CREB3L2: variants seen among roughly 807,000 people sequenced by gnomAD.
The protein encoded by CREB3L2 is cAMP responsive element binding protein 3 like 2.
A neutral mutation model predicts 57.2 loss-of-function variants in CREB3L2; 23 were observed. The ratio of observed to expected loss-of-function variants is 0.40; its 90% confidence interval spans 0.29 to 0.57. The LOEUF (loss-of-function observed/expected upper bound fraction) is 0.57, where lower values mean the gene tolerates loss of function less well. CREB3L2 is among the 20% of genes least tolerant of loss of function. The pLI is 0.42. For synonymous variants in CREB3L2, 268 were observed against 265.1 expected, an observed-to-expected ratio of 1.01 and a Z score of -0.11; for missense variants, 628 against 634.7, an observed-to-expected ratio of 0.99 and a Z score of 0.11.
intron 1 of CREB3L2, among the ~76,000 whole-genome samples, chr7:137,946,836 ATAGT>A (rs1444731637): frequency 1.3e-5 from 1 of 79,658 alleles, no homozygotes; most frequent in Non-Finnish European, 2.3e-5. Flanking sequence ...TTATCTATAT[ATAGT>A]TATCTATATA....
At position 138,002,075 on chromosome 7, in the gene CREB3L2, C is replaced by A. The variant is rs141156737; in HGVS notation, c.-370G>T. ...ACACAAACTTTGAGGGACCCCAGGG[C>A]TCCTCGGCTCTGCTCCAGGACCCAG... On this transcript the variant is annotated 5_prime_UTR_variant, in exon 1 of 12. Transcript: ENST00000330387. The A allele has an allele frequency of 6.9e-3, 1,902 of 274,122 alleles. 23 individuals are homozygous for A. The highest frequency in any genetic ancestry group is 0.029 in the African/African-American group (1,340 of 46,554). The allele number at this position is 274,122 out of a possible 1,614,324, so 17.0% of individuals were successfully genotyped here. A position where few individuals can be genotyped will look rare whatever the true frequency, so the allele number is the denominator to read the frequency against.
intron 1 of CREB3L2, among the ~76,000 whole-genome samples, chr7:137,997,986 T>C (rs1448772000): frequency 1.3e-5 from 2 of 152,190 alleles, no homozygotes; most frequent in Non-Finnish European, 2.9e-5. Context: ...ACAGCTTTCC[T>C]AAAATCAGTA....
At chr7:137,945,891 C>T (rs370445067) in intron 1 of CREB3L2, among the ~76,000 whole-genome samples, 6 of 152,140 alleles carry the variant, frequency 3.9e-5, no homozygotes, top group African/African-American at 7.2e-5. Context: ...CACCTTGAGC[C>T]GCTACAATTA....
At chr7:137,934,770 T>C (rs956424445) in intron 1 of CREB3L2, among the ~76,000 whole-genome samples, 38 of 152,258 alleles carry the variant, frequency 2.5e-4, no homozygotes, top group African/African-American at 8.7e-4. Flanking sequence ...TCGGCCTTAA[T>C]GCATGTTTCT....
intron 8 of CREB3L2, among the ~76,000 whole-genome samples, chr7:137,885,778 G>A (rs1276307989): frequency 6.6e-6 from 1 of 152,212 alleles, no homozygotes; most frequent in Non-Finnish European, 1.5e-5. Context: ...CCCCTGACAG[G>A]CTGTGGCTTG....
rs1420684432 is a variant in CREB3L2, at chr7:137,885,405, T to A, written c.1141A>T (p.Met381Leu). 2 of 1,613,408 alleles carry A rather than the reference T, an allele frequency of 1.2e-6. No individual in the cohort carries two copies. Among genetic ancestry groups the A allele is most frequent in the Admixed American group, 3.3e-5 (2 of 59,980 alleles). The change falls in exon 9 of 12, where the codon ATG (methionine) becomes TTG (leucine). Residue 381 changes from methionine (M) to leucine (L), a missense_variant and splice_region_variant. By Grantham distance (15) the Met-to-Leu change is conservative (BLOSUM62 2). Around this residue, in one of 3 missense-constraint regions of CREB3L2, gnomAD observed 272 missense variants for 242.7 expected, o/e 1.12. Transcript: ENST00000330387. ...TGCTACCCTGCTGGGAAGCTCACCA[T>A]GAGGCAGGTGCCAGTCTGCGTGCCA... ...LAGTQTGTCL[M>L]VVVLCFAVAF... is the part of the protein sequence containing the mutation.
At chr7:137,967,969 G>A (rs1801435850) in intron 1 of CREB3L2, among the ~76,000 whole-genome samples, 1 of 152,202 alleles carries the variant, frequency 6.6e-6, no homozygotes, top group Non-Finnish European at 1.5e-5. Context: ...ACACAATGCT[G>A]CAAGGTAGGT....
intron 1 of CREB3L2, chr7:137,956,668 A>T: frequency 7.9e-7 from 1 of 1,272,928 alleles, no homozygotes; most frequent in Non-Finnish European, 1.0e-6. Context: ...GAAACAGCAC[A>T]ATTTAACAAT....
rs896813824 is a variant in CREB3L2 at position 137,903,966 on chromosome 7, C to G, written c.967G>C (p.Glu323Gln). Residue 323 changes from glutamate to glutamine, a missense_variant, in exon 7 of 12, where the codon GAG becomes CAG. This residue lies in a region of CREB3L2 where 272 missense variants were observed against 242.7 expected (regional missense o/e 1.12). Transcript: ENST00000330387. ...GTTTGCCAGCAGGCTTACTTTTTCT[C>G]CAGGCTGTCCATGTATTCTTTCTTC... ...RKKKEYMDSL[E>Q]KKVESCSTEN... 9 of 1,613,572 alleles carry G rather than the reference C, an allele frequency of 5.6e-6. No individual in the cohort carries two copies. The African/African-American group carries it at 1.2e-4, about 22-fold the overall frequency.
intron 8 of CREB3L2, among the ~76,000 whole-genome samples, chr7:137,887,894 T>C (rs1799457340): frequency 6.6e-6 from 1 of 152,174 alleles, no homozygotes; most frequent in Non-Finnish European, 1.5e-5. Context: ...TATATAGAAG[T>C]ATGATTGAAT....
Position 137,882,409 on chromosome 7 carries a change from C to T in CREB3L2, c.1487+3G>A. 1.2e-6 allele frequency: 2 copies of T among 1,610,064 alleles called. No individual in the cohort carries two copies. Among genetic ancestry groups the T allele is most frequent in the Non-Finnish European group, 1.7e-6 (2 of 1,177,140 alleles). ...GAGTTGGCTCTGTGTCTCTATGACTCACAGGTGCTGCTGCAGCTCCAAAAG... is the reference window on the plus strand; with the variant it reads ...GAGTTGGCTCTGTGTCTCTATGACTTACAGGTGCTGCTGCAGCTCCAAAAG... On this transcript the variant is annotated splice_donor_region_variant and intron_variant, in intron 11 of 11. Transcript: ENST00000330387.
chr7:137,968,315 G>C (rs891061303), intron 1 of CREB3L2, among the ~76,000 whole-genome samples: 3 of 151,680 alleles, frequency 2.0e-5, no homozygotes, highest in Non-Finnish European at 2.9e-5. Context: ...CACCCATTAA[G>C]TTGTCATTTA....
intron 8 of CREB3L2, among the ~76,000 whole-genome samples, chr7:137,891,512 A>G (rs1450079350): frequency 3.3e-5 from 5 of 152,128 alleles, no homozygotes; most frequent in Non-Finnish European, 1.5e-5. Context: ...GGAAAAAAAA[A>G]AGTGGTGGTT....
At chr7:137,951,647 A>G (rs1310827949) in intron 1 of CREB3L2, among the ~76,000 whole-genome samples, 1 of 152,228 alleles carries the variant, frequency 6.6e-6, no homozygotes, top group Non-Finnish European at 1.5e-5. Flanking sequence ...AGGGCAATGT[A>G]TTAACTATCT....
At position 137,905,782 on chromosome 7, in the gene CREB3L2, A is replaced by G. The variant is rs1799874426; in HGVS notation, c.835T>C (p.Tyr279His). The change falls in exon 6 of 12, where the codon TAT becomes CAT. Residue 279 changes from tyrosine to histidine, a missense_variant. By Grantham distance (83) the Tyr-to-His change is moderately conservative. Transcript: ENST00000330387. ...AGGGGCAATTTGGTGGGGATGGGAT[A>G]GCCCTCAGCGATCAGGGTCCTCTTC... Reference protein sequence around the residue: ...EEKRTLIAEGYPIPTKLPLSK... With the variant: ...EEKRTLIAEGHPIPTKLPLSK... 1.9e-6 allele frequency: 3 copies of G among 1,614,096 alleles called. No homozygotes were observed. Among genetic ancestry groups the G allele is most frequent in the East Asian group, 4.5e-5 (2 of 44,878 alleles).
At chr7:137,886,511 G>C (rs1799423821) in intron 8 of CREB3L2, among the ~76,000 whole-genome samples, 1 of 152,176 alleles carries the variant, frequency 6.6e-6, no homozygotes, top group Admixed American at 6.5e-5. Flanking sequence ...GAACGGCTCT[G>C]TTTAAGGCAG....
intron 1 of CREB3L2, among the ~76,000 whole-genome samples, chr7:137,988,702 T>C (rs933954240): frequency 1.3e-5 from 2 of 152,098 alleles, no homozygotes; most frequent in African/African-American, 4.8e-5. Flanking sequence ...GAACTGCAAA[T>C]GACACAGTCA....
chr7:137,876,454 C>T lies in CREB3L2; in HGVS notation c.*4022G>A, dbSNP rs948547499. ...TAATGTTTCCTCAATCCCTTCTATT[C>T]CCCAATATTCCCTAGGGCCTCAGGC... On this transcript the variant is annotated 3_prime_UTR_variant, in exon 12 of 12. Coordinates refer to ENST00000330387, the MANE Select transcript of CREB3L2 (RefSeq NM_194071.4). The T allele has an allele frequency of 2.9e-4, 67 of 232,278 alleles. 1 individual carries two copies. The highest frequency in any genetic ancestry group is 1.4e-3 in the African/African-American group (62 of 45,306). The allele number at this position is 232,278 out of a possible 1,614,324, so 14.4% of individuals were successfully genotyped here.
intron 1 of CREB3L2, among the ~76,000 whole-genome samples, chr7:137,975,259 A>G (rs922045888): frequency 7.2e-5 from 11 of 152,310 alleles, no homozygotes; most frequent in African/African-American, 2.6e-4. Flanking sequence ...AAGCTCCAAA[A>G]GTCCAGGAGA....
Sources: allele counts gnomAD v4.1 joint callset (sites outside exome capture counted in the v4.1 genomes callset), GRCh38; gene constraint gnomAD v4.1.1; regional missense constraint gnomAD v4.1.1; transcripts MANE v1.5; gene names NCBI Gene and HGNC (gene_info 2026-07-23, HGNC 2026-07-21).